The following CMTR1 variants were observed in gnomAD, a reference collection of about 807,000 sequenced individuals.
CMTR1 encodes cap-specific mRNA (nucleoside-2'-O-)-methyltransferase 1.
CMTR1 carries 39 observed loss-of-function variants against 107.0 expected under a neutral mutation model. The observed-to-expected ratio is 0.36, with a 90% CI of 0.28 to 0.48. The LOEUF is 0.48. Ranked by LOEUF, CMTR1 falls within the 20% of genes least tolerant of loss-of-function variation. The pLI is 0.99. For synonymous variants in CMTR1, 366 were observed against 379.5 expected (o/e 0.96, Z 0.41); for missense variants, 672 against 1,064.9 (o/e 0.63, Z 5.14).
At position 37,475,354 on chromosome 6, in the gene CMTR1, A is replaced by G. The variant is rs769123783; in HGVS notation, c.1978A>G (p.Ile660Val). The change falls in exon 19 of 24, where the codon ATC becomes GTC. Residue 660 changes from isoleucine to valine, a missense_variant. By Grantham distance (29) the Ile-to-Val change is conservative. Around this residue, in one of 2 missense-constraint regions of CMTR1, gnomAD observed 583 missense variants for 968.4 expected, o/e 0.60. Transcript: ENST00000373451. ...KAQRKISAIH[I>V]LDVLVLNGTD... ...CCAGAGGAAGATCAGTGCCATCCACATCCTCGATGTCCTTGTGCTGAATGG... is the reference window on the plus strand; with the variant it reads ...CCAGAGGAAGATCAGTGCCATCCACGTCCTCGATGTCCTTGTGCTGAATGG... The G allele has an allele frequency of 6.2e-7, 1 of 1,613,874 alleles. No homozygotes were observed. Among genetic ancestry groups the G allele is most frequent in the Non-Finnish European group, 8.5e-7 (1 of 1,179,926 alleles).
At chr6:37,429,798 C>A (rs961599165), upstream of CMTR1, among the ~76,000 whole-genome samples, 1 of 152,080 alleles carries the variant, frequency 6.6e-6, no homozygotes, top group Non-Finnish European at 1.5e-5. Flanking sequence ...ATTAGCCAGG[C>A]GTGGTGGCAT....
chr6:37,450,275 T>G lies in CMTR1; in HGVS notation c.469T>G (p.Trp157Gly). The change falls in exon 5 of 24, where the codon TGG becomes GGG. Residue 157 changes from tryptophan to glycine, a missense_variant. Physicochemically the swap from Trp to Gly is radical, Grantham distance 184. This residue lies in a region of CMTR1 where 583 missense variants were observed against 968.4 expected (regional missense o/e 0.60). Transcript: ENST00000373451. ...PEPSACEQVSWFPECTTEIPD... is the reference protein window; with the variant it reads ...PEPSACEQVSGFPECTTEIPD... The stretch of plus-strand genomic sequence containing the variant: ...GCCCAGTGCTTGTGAGCAGGTGTCA[T>G]GGTTTCCAGAATGTACCACTGAAAT... The G allele has an allele frequency of 6.2e-7, 1 of 1,614,142 alleles. No homozygotes were observed. Among genetic ancestry groups the G allele is most frequent in the Middle Eastern group, 1.6e-4 (1 of 6,062 alleles).
intron 13 of CMTR1, among the ~76,000 whole-genome samples, chr6:37,469,342 C>T (rs553899126): frequency 6.6e-6 from 1 of 151,866 alleles, no homozygotes; most frequent in Admixed American, 6.6e-5. Context: ...TCTTTTTCCC[C>T]TCTGGCTGCT....
chr6:37,428,391 G>C (rs1771322538), upstream of CMTR1, among the ~76,000 whole-genome samples: 2 of 152,260 alleles, frequency 1.3e-5, no homozygotes, highest in South Asian at 4.2e-4. Flanking sequence ...TTGTTATCAG[G>C]CATTTATGCA....
At chr6:37,438,957 A>G (rs1771605253) in intron 2 of CMTR1, among the ~76,000 whole-genome samples, 1 of 152,192 alleles carries the variant, frequency 6.6e-6, no homozygotes, top group Non-Finnish European at 1.5e-5. Flanking sequence ...CAGGTAGATG[A>G]TTGAAAAATG....
intron 8 of CMTR1, among the ~76,000 whole-genome samples, chr6:37,457,671 T>G (rs1761323908): frequency 6.6e-6 from 1 of 152,326 alleles, no homozygotes; most frequent in East Asian, 1.9e-4. Flanking sequence ...GCAACTTTTC[T>G]GTAAATCAAA....
chr6:37,480,553 C>A lies in CMTR1; in HGVS notation c.*408C>A. The A allele has an allele frequency of 9.6e-7, 1 of 1,044,502 alleles. No individual in the cohort carries two copies. Among genetic ancestry groups the A allele is most frequent in the Non-Finnish European group, 1.2e-6 (1 of 869,024 alleles). 64.7% of individuals were successfully genotyped at this position (1,044,502 alleles called of 1,614,324 possible). ...TGCCCTGAGGGTAGCCATGCCCTTG[C>A]TTTGCCCAACTTTTTATTGGGCCAT... On this transcript the variant is annotated 3_prime_UTR_variant, in exon 24 of 24. Transcript: ENST00000373451.
intron 10 of CMTR1, 145 bp downstream of exon 10, chr6:37,459,829 T>C (rs1192868511): frequency 1.5e-6 from 1 of 688,264 alleles, no homozygotes; most frequent in African/African-American, 1.8e-5. Context: ...TTTTATTCTT[T>C]TTATACATTT....
At chr6:37,465,531 G>A (rs1761489739) in intron 13 of CMTR1, among the ~76,000 whole-genome samples, 1 of 152,154 alleles carries the variant, frequency 6.6e-6, no homozygotes, top group African/African-American at 2.4e-5. Context: ...GCTTCTTCAA[G>A]TCTTTTGAAC....
chr6:37,462,005 A>G lies in CMTR1; in HGVS notation c.1228A>G (p.Thr410Ala), dbSNP rs751624584. 17 of 1,613,654 alleles carry G rather than the reference A, an allele frequency of 1.1e-5. No individual in the cohort carries two copies. In the Admixed American group the frequency reaches 2.7e-4, roughly 25 times the overall value. The change falls in exon 12 of 24, where the codon ACA becomes GCA. Residue 410 changes from threonine (T) to alanine (A), a missense_variant. Physicochemically the swap from Thr to Ala is moderately conservative, Grantham distance 58. Coordinates refer to ENST00000373451, the MANE Select transcript of CMTR1 (RefSeq NM_015050.3). ...CATCTGTAAAACCTTTGACCTGTTC[A>G]CACCGTTTAGTGTGGGGCTTGTCTA... ...HFICKTFDLF[T>A]PFSVGLVYLL...
intron 13 of CMTR1, among the ~76,000 whole-genome samples, chr6:37,463,821 T>C (rs1761449670): frequency 6.6e-6 from 1 of 152,214 alleles, no homozygotes. Flanking sequence ...TACTGCCATA[T>C]AAGCGCCCTC....
chr6:37,449,771 G>GT (rs1771892495), intron 4 of CMTR1, among the ~76,000 whole-genome samples: 1 of 152,204 alleles, frequency 6.6e-6, no homozygotes, highest in Admixed American at 6.5e-5. Context: ...TTTCTGGATT[G>GT]TTTTTTGAGT....
chr6:37,471,946 G>A lies in CMTR1; in HGVS notation c.1620+42G>A, dbSNP rs191339184. The A allele has an allele frequency of 1.2e-4, 194 of 1,592,256 alleles. 1 individual carries two copies. In the Admixed American group the frequency reaches 3.1e-3, roughly 25 times the overall value. On this transcript the variant is annotated intron_variant, in intron 15 of 23. Transcript: ENST00000373451. ...CCCATTGCTGCTTCAGGGCAGGGAA[G>A]CCATAGAGAAGAATGGGGTTGACTC...
chr6:37,477,602 G>A lies in CMTR1; in HGVS notation c.2116G>A (p.Val706Met), dbSNP rs774221157. ...PDMNPIRVKE[V>M]YRLEEMEKIF... ...TCCCTCTACCTGCAGGGTGAAGGAG[G>A]TGTACAGACTGGAAGAGATGGAGAA... Residue 706 changes from valine (V) to methionine (M), a missense_variant, in exon 21 of 24, where the codon GTG becomes ATG. This residue lies in a region of CMTR1 where 583 missense variants were observed against 968.4 expected (regional missense o/e 0.60). Coordinates refer to ENST00000373451, the MANE Select transcript of CMTR1 (RefSeq NM_015050.3). 6.2e-7 allele frequency: 1 copy of A among 1,613,866 alleles called. No individual in the cohort carries two copies. The highest frequency in any genetic ancestry group is 1.1e-5 in the South Asian group (1 of 91,074).
intron 9 of CMTR1, 63 bp from the exon 10 acceptor site, chr6:37,459,503 C>T: frequency 6.4e-6 from 9 of 1,401,202 alleles, no homozygotes; most frequent in Non-Finnish European, 8.1e-6. Flanking sequence ...CCAGAGCACT[C>T]GTGTCCCAGC....
chr6:37,435,757 CA>C lies in CMTR1; in HGVS notation c.132del (p.Ala45HisfsTer86). ...DEPPSSVSHGAKASTTSLSGS... is the reference protein window; with the variant it reads ...DEPPSSVSHGXKASTTSLSGS... The stretch of plus-strand genomic sequence containing the variant: ...CCTCCCTCCTCTGTCAGTCATGGAG[CA>C]AAAGGTACGTGTGCTTGTGTGGTCT... On this transcript the variant is annotated frameshift_variant, in exon 2 of 24. Coordinates refer to ENST00000373451, the MANE Select transcript of CMTR1 (RefSeq NM_015050.3). LOFTEE classifies it high-confidence loss of function. 6.3e-7 allele frequency: 1 copy of C among 1,593,414 alleles called. No homozygotes were observed. Among genetic ancestry groups the C allele is most frequent in the South Asian group, 1.1e-5 (1 of 87,242 alleles).
chr6:37,450,144 C>A, intron 4 of CMTR1, 107 bp from the exon 5 acceptor site: 1 of 899,222 alleles, frequency 1.1e-6, no homozygotes, highest in South Asian at 1.5e-5. Context: ...GCACCCTTCT[C>A]GGTCTGTCTC....
intron 23 of CMTR1, 115 bp downstream of exon 23, chr6:37,479,370 G>C (rs1761808971): frequency 1.3e-6 from 1 of 770,186 alleles, no homozygotes. Flanking sequence ...CCCATGCAGG[G>C]GTTCCCCTGA....
At chr6:37,452,869 C>T (rs549168421) in intron 6 of CMTR1, among the ~76,000 whole-genome samples, 178 bp from the exon 7 acceptor site, 21 of 152,006 alleles carry the variant, frequency 1.4e-4, no homozygotes, top group South Asian at 4.2e-4. Context: ...ACCAATTTAC[C>T]GGCAAGGTAG....
Sources: gnomAD v4.1 joint callset for allele counts (sites outside exome capture counted in the v4.1 genomes callset) on GRCh38, gnomAD v4.1.1 for gene constraint, gnomAD v4.1.1 regional missense constraint, MANE v1.5 for transcripts, NCBI Gene and HGNC (gene_info 2026-07-23, HGNC 2026-07-21) for gene names.